LMO2: variants seen among roughly 807,000 people sequenced by gnomAD.
LMO2 encodes LIM domain only 2.
LMO2 carries 20 observed loss-of-function variants against 23.2 expected under a neutral mutation model. The observed-to-expected ratio is 0.86, with a 90% CI of 0.61 to 1.25. The LOEUF (loss-of-function observed/expected upper bound fraction) is 1.25, where lower values mean the gene tolerates loss of function less well. Ranked by LOEUF, LMO2 falls within the 50% of genes most tolerant of loss-of-function variation. The pLI is 0.00. For synonymous variants in LMO2, 123 were observed against 130.2 expected (o/e 0.94, Z 0.38); for missense variants, 270 against 315.3 (o/e 0.86, Z 1.09).
intron 2 of LMO2, among the ~76,000 whole-genome samples, chr11:33,874,580 T>C (rs1423754412): frequency 6.6e-6 from 1 of 152,208 alleles, no homozygotes; most frequent in Non-Finnish European, 1.5e-5. Context: ...CTGTTGGTAT[T>C]ACCCCATCTT....
chr11:33,869,638 G>A (rs1345962531), intron 3 of LMO2, 52 bp from the exon 4 acceptor site: 2 of 1,256,784 alleles, frequency 1.6e-6, no homozygotes, highest in South Asian at 2.4e-5. Context: ...GCGCGCCGCG[G>A]CCGAGGCGGG....
intron 2 of LMO2, among the ~76,000 whole-genome samples, chr11:33,878,428 C>A (rs1206945727): frequency 4.6e-5 from 7 of 152,196 alleles, no homozygotes; most frequent in Non-Finnish European, 7.3e-5. Context: ...CAAGTCTCTG[C>A]TTTACAACTT....
At chr11:33,878,423 C>T (rs1056052781) in intron 2 of LMO2, among the ~76,000 whole-genome samples, 2 of 152,162 alleles carry the variant, frequency 1.3e-5, no homozygotes, top group Admixed American at 1.3e-4. Flanking sequence ...GGCTTCAAGT[C>T]TCTGCTTTAC....
intron 2 of LMO2, among the ~76,000 whole-genome samples, chr11:33,877,898 G>GT (rs1481599170): frequency 6.6e-6 from 1 of 151,752 alleles, no homozygotes; most frequent in Non-Finnish European, 1.5e-5. Flanking sequence ...AGAGCTGCTT[G>GT]TTTTTTCTGC....
chr11:33,859,212 T>C lies in LMO2; in HGVS notation c.*144A>G, dbSNP rs1856473523. 1.6e-6 allele frequency: 1 copy of C among 620,794 alleles called. No homozygotes were observed. The allele number at this position is 620,794 out of a possible 1,614,324, so 38.5% of individuals were successfully genotyped here. On this transcript the variant is annotated 3_prime_UTR_variant, in exon 6 of 6. Transcript: ENST00000257818. ...ATTATGCCACTTGGATGCTATGTCTTGATACCCAATAAAGGTCTACCATCC... is the reference window on the plus strand; with the variant it reads ...ATTATGCCACTTGGATGCTATGTCTCGATACCCAATAAAGGTCTACCATCC...
At chr11:33,870,634 G>C (rs561457466) in intron 2 of LMO2, 1 of 941,218 alleles carries the variant, frequency 1.1e-6, no homozygotes, top group East Asian at 1.2e-4. Flanking sequence ...CGCGGGGCCG[G>C]GGCTCCTCTC....
intron 2 of LMO2, 83 bp from the exon 3 acceptor site, chr11:33,870,070 CTTTTTTT>C (rs10608793): frequency 2.2e-4 from 52 of 238,308 alleles, no homozygotes; most frequent in Non-Finnish European, 2.7e-4. Context: ...TTTTTTCTTC[CTTTTTTT>C]TTTTTTTTTT....
chr11:33,860,694 C>T (rs764839077), intron 5 of LMO2, among the ~76,000 whole-genome samples: 4 of 152,136 alleles, frequency 2.6e-5, no homozygotes, highest in South Asian at 2.1e-4. Context: ...GGCTTTAGCC[C>T]GGGAGGTGGA....
At chr11:33,861,691 G>A (rs1429193686) in intron 5 of LMO2, among the ~76,000 whole-genome samples, 2 of 152,224 alleles carry the variant, frequency 1.3e-5, no homozygotes, top group Non-Finnish European at 2.9e-5. Flanking sequence ...AGTGTGCATG[G>A]AATGAATCCA....
At chr11:33,891,346 A>AAC (rs57617009) in intron 1 of LMO2, among the ~76,000 whole-genome samples, 21,434 of 124,704 alleles carry the variant, frequency 0.17, 1,588 homozygotes, top group East Asian at 0.28. Flanking sequence ...TTGTTAGGCA[A>AAC]ACACACACAC....
At chr11:33,862,245 G>A (rs1856608123) in intron 5 of LMO2, among the ~76,000 whole-genome samples, 2 of 152,210 alleles carry the variant, frequency 1.3e-5, no homozygotes, top group African/African-American at 4.8e-5. Flanking sequence ...CCTGGCTCCA[G>A]GCAAGGCTGC....
chr11:33,860,891 C>T (rs1247365413), intron 5 of LMO2, among the ~76,000 whole-genome samples: 5 of 152,290 alleles, frequency 3.3e-5, no homozygotes, highest in African/African-American at 9.6e-5. Flanking sequence ...TGAACACTTC[C>T]GGGGGACTGG....
At chr11:33,862,039 T>C (rs1856600955) in intron 5 of LMO2, among the ~76,000 whole-genome samples, 1 of 152,184 alleles carries the variant, frequency 6.6e-6, no homozygotes, top group African/African-American at 2.4e-5. Context: ...GCACCAAGAA[T>C]TGGTATCTTA....
intron 2 of LMO2, among the ~76,000 whole-genome samples, chr11:33,878,525 A>G (rs1438941818): frequency 1.3e-5 from 2 of 152,364 alleles, no homozygotes; most frequent in African/African-American, 4.8e-5. Flanking sequence ...GGTTAGGAGT[A>G]GTCATTGAGA....
intron 2 of LMO2, among the ~76,000 whole-genome samples, chr11:33,876,700 A>G (rs1202012354): frequency 6.6e-6 from 1 of 152,176 alleles, no homozygotes; most frequent in African/African-American, 2.4e-5. Flanking sequence ...CAGAACCTCT[A>G]CCCTCTACAA....
At chr11:33,871,629 TTAAAAA>T (rs1857026112) in intron 2 of LMO2, among the ~76,000 whole-genome samples, 1 of 150,340 alleles carries the variant, frequency 6.7e-6, no homozygotes, top group South Asian at 2.1e-4. Flanking sequence ...TGTTTTTAAT[TTAAAAA>T]AGAAAATACT....
rs551103948 is a variant in LMO2 at position 33,869,745 on chromosome 11, C to T, written c.-29G>A. The stretch of plus-strand genomic sequence containing the variant: ...GGTCCCGCCGCCGCCACCGCCCGGT[C>T]CCTCTCGCGCGCTGTCGCCGGCTCC... On this transcript the variant is annotated 5_prime_UTR_variant, in exon 3 of 6. Transcript: ENST00000257818. 683 of 1,255,552 alleles carry T rather than the reference C, an allele frequency of 5.4e-4. 5 individuals carry two copies. In the South Asian group the frequency reaches 5.6e-3, roughly 10 times the overall value. The allele number at this position is 1,255,552 out of a possible 1,614,324, so 77.8% of individuals were successfully genotyped here. A position where few individuals can be genotyped will look rare whatever the true frequency, so the allele number is the denominator to read the frequency against.
At chr11:33,863,235 AAAAG>A (rs1188349869) in intron 5 of LMO2, among the ~76,000 whole-genome samples, 1 of 151,736 alleles carries the variant, frequency 6.6e-6, no homozygotes, top group Admixed American at 6.6e-5. Context: ...TGACTTAAAA[AAAAG>A]AAAACTGACC....
intron 4 of LMO2, among the ~76,000 whole-genome samples, chr11:33,866,268 C>G (rs1856778597): frequency 6.6e-6 from 1 of 152,188 alleles, no homozygotes; most frequent in Non-Finnish European, 1.5e-5. Flanking sequence ...ACTTTCTAGA[C>G]ACAGTGTAAC....
Sources: gnomAD v4.1 joint callset for allele counts (sites outside exome capture counted in the v4.1 genomes callset) on GRCh38, gnomAD v4.1.1 for gene constraint, MANE v1.5 for transcripts, NCBI Gene and HGNC (gene_info 2026-07-23, HGNC 2026-07-21) for gene names.